The following WWOX variants were observed in gnomAD, a reference collection of about 807,000 sequenced individuals.
The protein encoded by WWOX is WW domain containing oxidoreductase.
Under a neutral mutation model 46.2 loss-of-function variants are expected in WWOX, and 69 were observed. The observed-to-expected ratio is 1.49, with a 90% CI of 1.23 to 1.82. The LOEUF (loss-of-function observed/expected upper bound fraction) is 1.82, where lower values mean the gene tolerates loss of function less well. Among genes scored for constraint, WWOX ranks in the 40% most tolerant of loss-of-function variants. WWOX has a pLI of 0.00. For synonymous variants in WWOX, 359 were observed against 202.6 expected, an observed-to-expected ratio of 1.77 and a Z score of -6.56; for missense variants, 919 against 542.6, an observed-to-expected ratio of 1.69 and a Z score of -6.89.
chr16:78,970,917 A>T (rs544855816), intron 8 of WWOX, among the ~76,000 whole-genome samples: 1 of 152,104 alleles, frequency 6.6e-6, no homozygotes, highest in East Asian at 1.9e-4. Flanking sequence ...GTCTTTTGCT[A>T]TGGTGGTCTC....
chr16:78,331,842 A>G (rs1004147050), intron 5 of WWOX, among the ~76,000 whole-genome samples: 2 of 152,156 alleles, frequency 1.3e-5, no homozygotes, highest in Non-Finnish European at 2.9e-5. Flanking sequence ...TCTTCCAACA[A>G]CGTGTCAGAT....
rs368646253 is a variant in WWOX at position 78,883,123 on chromosome 16, C to G, written c.1057-328485C>G. ...GTAGATATTCAGGAAGAATTGATCACCTTTTGGATGCCACCACACATGCCT... is the reference window on the plus strand; with the variant it reads ...GTAGATATTCAGGAAGAATTGATCAGCTTTTGGATGCCACCACACATGCCT... On this transcript the variant is annotated intron_variant, in intron 8 of 8. Transcript: ENST00000566780. Among the ~76,000 whole-genome samples the G allele has an allele frequency of 3.8e-4, 58 of 152,278 alleles. 1 individual carries two copies. In the South Asian group the frequency reaches 0.012, roughly 31 times the overall value.
chr16:78,340,898 TTC>T (rs1374321162), intron 5 of WWOX, among the ~76,000 whole-genome samples: 1 of 119,132 alleles, frequency 8.4e-6, no homozygotes, highest in Non-Finnish European at 2.0e-5. Flanking sequence ...GATAATAAAC[TTC>T]TGTCATTTTT....
chr16:78,817,011 G>A (rs1171306945), intron 8 of WWOX, among the ~76,000 whole-genome samples: 1 of 152,000 alleles, frequency 6.6e-6, no homozygotes, highest in Non-Finnish European at 1.5e-5. Flanking sequence ...CTTGGCTTGG[G>A]TTCTGACCAA....
intron 8 of WWOX, among the ~76,000 whole-genome samples, chr16:78,952,436 A>G (rs910238327): frequency 4.0e-5 from 6 of 149,038 alleles, no homozygotes; most frequent in Non-Finnish European, 1.5e-5. Context: ...ACGCTGGAGT[A>G]CAGTGGCACG....
At chr16:78,618,044 T>G (rs2046071421) in intron 8 of WWOX, among the ~76,000 whole-genome samples, 4 of 152,224 alleles carry the variant, frequency 2.6e-5, no homozygotes, top group Admixed American at 2.0e-4. Context: ...TCAGTGCTAT[T>G]CATGTGTTCT....
At position 79,053,920 on chromosome 16, in the gene WWOX, C is replaced by T. The variant is rs1276133382; in HGVS notation, c.1057-157688C>T. Among the ~76,000 whole-genome samples, 6 of 151,826 alleles carry T rather than the reference C, an allele frequency of 4.0e-5. No individual in the cohort carries two copies. The South Asian group carries it at 6.2e-4, about 16-fold the overall frequency. On this transcript the variant is annotated intron_variant, in intron 8 of 8. Coordinates refer to ENST00000566780, the MANE Select transcript of WWOX (RefSeq NM_016373.4). ...CCCAGCCATAGAAAGTGAGAGCTTT[C>T]GAAGAATCTGTGGTTAGAACTAAGA...
chr16:79,131,702 A>T (rs1350143266), intron 8 of WWOX, among the ~76,000 whole-genome samples: 6 of 145,622 alleles, frequency 4.1e-5, no homozygotes, highest in African/African-American at 1.7e-4. Flanking sequence ...TTTCAAAAAC[A>T]GGACATGGGT....
chr16:78,738,358 C>A (rs563902682), intron 8 of WWOX, among the ~76,000 whole-genome samples: 1 of 152,132 alleles, frequency 6.6e-6, no homozygotes, highest in South Asian at 2.1e-4. Flanking sequence ...GGCATAAAAT[C>A]AATATTTATG....
chr16:78,422,698 C>CATATATATAT lies in WWOX; in HGVS notation c.606-2171_606-2170insTATATATATA, dbSNP rs1187080221. Among the ~76,000 whole-genome samples, 22 of 38,624 alleles carry CATATATATAT rather than the reference C, an allele frequency of 5.7e-4. 3 individuals carry two copies. Among genetic ancestry groups the CATATATATAT allele is most frequent in the Admixed American group, 5.6e-3 (16 of 2,878 alleles). The allele number at this position is 38,624 out of a possible 152,430, so 25.3% of individuals were successfully genotyped here. On this transcript the variant is annotated intron_variant, in intron 6 of 8. Coordinates refer to ENST00000566780, the MANE Select transcript of WWOX (RefSeq NM_016373.4). ...ATATATATATATACACACACACACACACATATATATATACACACACACATA... is the reference window on the plus strand; with the variant it reads ...ATATATATATATACACACACACACACATATATATATACATATATATATACACACACACATA...
intron 4 of WWOX, among the ~76,000 whole-genome samples, chr16:78,118,640 C>T (rs1283301064): frequency 1.3e-5 from 2 of 152,116 alleles, no homozygotes; most frequent in African/African-American, 2.4e-5. Flanking sequence ...CCAGTTGTGG[C>T]AGAGATCATC....
intron 8 of WWOX, among the ~76,000 whole-genome samples, chr16:78,739,521 A>G (rs2049165907): frequency 6.6e-6 from 1 of 152,116 alleles, no homozygotes; most frequent in Admixed American, 6.5e-5. Context: ...GAGTGTAAAG[A>G]AATTCCTTGG....
At chr16:79,154,781 T>G (rs749226690) in intron 8 of WWOX, among the ~76,000 whole-genome samples, 45 of 152,290 alleles carry the variant, frequency 3.0e-4, no homozygotes, top group Admixed American at 1.0e-3. Context: ...AGATAACCAT[T>G]TTTTAGGTCC....
chr16:78,305,268 A>G (rs2080112479), intron 5 of WWOX, among the ~76,000 whole-genome samples: 1 of 151,950 alleles, frequency 6.6e-6, no homozygotes, highest in African/African-American at 2.4e-5. Flanking sequence ...GGGGCCCTCC[A>G]GCTGCTGTGA....
intron 8 of WWOX, among the ~76,000 whole-genome samples, chr16:78,840,164 T>C (rs887937915): frequency 6.6e-6 from 1 of 152,230 alleles, no homozygotes; most frequent in Non-Finnish European, 1.5e-5. Context: ...TGCCTCCCAG[T>C]TGACCCTCAG....
intron 5 of WWOX, among the ~76,000 whole-genome samples, chr16:78,202,674 C>A (rs551476884): frequency 6.6e-6 from 1 of 152,150 alleles, no homozygotes. Context: ...TAGAATGAAT[C>A]CATTTGTCAG....
chr16:78,852,694 C>T (rs1448390980), intron 8 of WWOX, among the ~76,000 whole-genome samples: 1 of 152,146 alleles, frequency 6.6e-6, no homozygotes, highest in Non-Finnish European at 1.5e-5. Flanking sequence ...ATTTGCTACA[C>T]ACCAATATTA....
intron 8 of WWOX, among the ~76,000 whole-genome samples, chr16:78,774,652 G>T (rs1210635988): frequency 6.6e-6 from 1 of 152,038 alleles, no homozygotes; most frequent in African/African-American, 2.4e-5. Context: ...GTGCTCCCAG[G>T]CTCCGGGCAG....
At chr16:78,172,195 A>C (rs967597481) in intron 5 of WWOX, among the ~76,000 whole-genome samples, 1 of 152,198 alleles carries the variant, frequency 6.6e-6, no homozygotes. Context: ...CTGGGTTCCT[A>C]ATATGAGGGT....
Sources: gnomAD v4.1 joint callset for allele counts (sites outside exome capture counted in the v4.1 genomes callset) on GRCh38, gnomAD v4.1.1 for gene constraint, MANE v1.5 for transcripts, NCBI Gene and HGNC (gene_info 2026-07-23, HGNC 2026-07-21) for gene names.